The following PKD1L1 variants were observed in gnomAD, a reference collection of about 807,000 sequenced individuals.
The protein encoded by PKD1L1 is polycystin 1 like 1, transient receptor potential channel interacting.
A neutral mutation model predicts 323.4 loss-of-function variants in PKD1L1; 236 were observed. That is an observed-to-expected ratio of 0.73 (90% CI 0.66 to 0.81). The LOEUF (loss-of-function observed/expected upper bound fraction) is 0.81, where lower values mean the gene tolerates loss of function less well. Among genes scored for constraint, PKD1L1 ranks in the 40% least tolerant of loss-of-function variants. The pLI, the probability that PKD1L1 is intolerant of heterozygous loss-of-function variation, is 0.00. For synonymous variants in PKD1L1, 1,344 were observed against 1,335.0 expected, an observed-to-expected ratio of 1.01 and a Z score of -0.15; for missense variants, 3,320 against 3,508.0, an observed-to-expected ratio of 0.95 and a Z score of 1.35.
At chr7:47,864,250 A>C (rs1786098220) in intron 26 of PKD1L1, among the ~76,000 whole-genome samples, 1 of 152,196 alleles carries the variant, frequency 6.6e-6, no homozygotes, top group Admixed American at 6.5e-5. Context: ...GGAGAAGCCT[A>C]TGCAGGGGCT....
rs148789591 is a variant in PKD1L1 at position 47,832,814 on chromosome 7, T to C, written c.6337+276A>G. Among the ~76,000 whole-genome samples, 9 of 152,354 alleles carry C rather than the reference T, an allele frequency of 5.9e-5. No individual in the cohort carries two copies. The East Asian group carries it at 1.7e-3, about 29-fold the overall frequency. On this transcript the variant is annotated intron_variant, in intron 41 of 56. Transcript: ENST00000289672. ...TCATTAGCATTAAAACATGCAAAGC[T>C]TCAAACTCCAGAATACTTTAAAAAG...
In PKD1L1 at chr7:47,936,931, C is replaced by T; in HGVS notation, c.313G>A (p.Ala105Thr). ...GTTTTTTCATTAACAACACTTAACG[C>T]TGCTTCACTAGTTGTTTTCCAAATG... Reference protein sequence around the residue: ...KNIWKTTSEAALSVVNEKTQA... With the variant: ...KNIWKTTSEATLSVVNEKTQA... The change falls in exon 4 of 57, where the codon GCG (alanine) becomes ACG (threonine). Residue 105 changes from alanine (A) to threonine (T), a missense_variant. Transcript: ENST00000289672. 1 of 1,612,658 alleles carries T rather than the reference C, an allele frequency of 6.2e-7. No homozygotes were observed. Among genetic ancestry groups the T allele is most frequent in the Non-Finnish European group, 8.5e-7 (1 of 1,179,680 alleles).
chr7:47,850,652 A>AT (rs1785761924), intron 31 of PKD1L1, among the ~76,000 whole-genome samples: 1 of 150,394 alleles, frequency 6.6e-6, no homozygotes, highest in Non-Finnish European at 1.5e-5. Flanking sequence ...AAAAAAAAAA[A>AT]GGATAAAAGT....
intron 3 of PKD1L1, among the ~76,000 whole-genome samples, chr7:47,939,836 C>T (rs1324402038): frequency 6.6e-6 from 1 of 151,946 alleles, no homozygotes; most frequent in South Asian, 2.1e-4. Context: ...TGAGGGGCAG[C>T]CCCCACTCCC....
intron 44 of PKD1L1, 25 bp from the exon 45 acceptor site, chr7:47,827,493 GC>G: frequency 6.3e-7 from 1 of 1,582,690 alleles, no homozygotes; most frequent in Non-Finnish European, 8.6e-7. Flanking sequence ...AGTGCTGTGA[GC>G]TGCGGGCTGG....
At chr7:47,860,784 G>T in intron 26 of PKD1L1, among the ~76,000 whole-genome samples, 1 of 142,466 alleles carries the variant, frequency 7.0e-6, no homozygotes, top group East Asian at 2.0e-4. Context: ...TAAGAACTGT[G>T]GCAGACCCTG....
chr7:47,808,140 A>T, intron 52 of PKD1L1, 107 bp downstream of exon 52: 3 of 1,397,038 alleles, frequency 2.1e-6, no homozygotes, highest in Non-Finnish European at 2.0e-6. Flanking sequence ...TCTCGATATC[A>T]AACAAATCTG....
rs75892129 is a variant in PKD1L1 at position 47,897,818 on chromosome 7, G to A, written c.2271+170C>T. On this transcript the variant is annotated intron_variant, in intron 14 of 56. Transcript: ENST00000289672. Reference sequence around the variant, plus strand: ...ATTTGAACATAATTTGTTCTCTTTGGGGGAATTAAACATTTCTCTTAAAAT... The same window carrying A: ...ATTTGAACATAATTTGTTCTCTTTGAGGGAATTAAACATTTCTCTTAAAAT... 5.6e-3 allele frequency among the ~76,000 whole-genome samples: 849 copies of A among 152,076 alleles called. 5 individuals carry two copies. The highest frequency in any genetic ancestry group is 0.017 in the Middle Eastern group (5 of 292).
At position 47,836,926 on chromosome 7, in the gene PKD1L1, C is replaced by T. The variant is rs1785469715; in HGVS notation, c.5938G>A (p.Glu1980Lys). 1.2e-6 allele frequency: 2 copies of T among 1,613,520 alleles called. No individual in the cohort carries two copies. The highest frequency in any genetic ancestry group is 1.7e-6 in the Non-Finnish European group (2 of 1,179,888). ...GGAAAAGCGATGGCTCTCACCTGCT[C>T]TTGCCCTCCAGCAGCAACCAGGGCA... ...LTALVAAGGQ[E>K]QPHLDVSPTL... Residue 1980 changes from glutamate to lysine, a missense_variant, in exon 37 of 57, where the codon GAG (glutamate) becomes AAG (lysine). Transcript: ENST00000289672.
chr7:47,791,333 C>T (rs1231716383), intron 56 of PKD1L1, among the ~76,000 whole-genome samples: 1 of 152,064 alleles, frequency 6.6e-6, no homozygotes, highest in African/African-American at 2.4e-5. Context: ...AGTTTATTCT[C>T]TTTTCTGTGA....
At chr7:47,802,007 C>T (rs1335322268) in intron 53 of PKD1L1, among the ~76,000 whole-genome samples, 2 of 151,934 alleles carry the variant, frequency 1.3e-5, no homozygotes, top group South Asian at 2.1e-4. Context: ...CTGGCTAACA[C>T]GGTGAAACAC....
At chr7:47,889,393 C>T (rs1192882513) in intron 16 of PKD1L1, among the ~76,000 whole-genome samples, 1 of 151,998 alleles carries the variant, frequency 6.6e-6, no homozygotes, top group African/African-American at 2.4e-5. Flanking sequence ...TTAAATTGTG[C>T]CCCAATTGTT....
chr7:47,938,429 G>A (rs1480908607), intron 3 of PKD1L1, among the ~76,000 whole-genome samples: 1 of 152,098 alleles, frequency 6.6e-6, no homozygotes, highest in Non-Finnish European at 1.5e-5. Flanking sequence ...TCCTGAGGAT[G>A]TGAAACCCAG....
At chr7:47,845,630 C>T (rs1785649480) in intron 32 of PKD1L1, among the ~76,000 whole-genome samples, 1 of 152,156 alleles carries the variant, frequency 6.6e-6, no homozygotes, top group Non-Finnish European at 1.5e-5. Context: ...TGTTCTGCTG[C>T]CCAGGCTGGA....
intron 23 of PKD1L1, 147 bp from the exon 24 acceptor site, chr7:47,874,157 G>T: frequency 1.7e-6 from 1 of 596,374 alleles, no homozygotes; most frequent in Admixed American, 3.2e-5. Flanking sequence ...GGAGCCCAGG[G>T]AGTGAAATAC....
chr7:47,880,280 A>ATTTTTTTTTTTTTTTTT (rs1380647150), intron 21 of PKD1L1, among the ~76,000 whole-genome samples: 5 of 71,556 alleles, frequency 7.0e-5, no homozygotes, highest in Non-Finnish European at 1.0e-4. Flanking sequence ...ATATATATAT[A>ATTTTTTTTTTTTTTTTT]TATATTTTTT....
At chr7:47,800,017 C>A (rs1784624993) in intron 54 of PKD1L1, among the ~76,000 whole-genome samples, 1 of 152,236 alleles carries the variant, frequency 6.6e-6, no homozygotes, top group African/African-American at 2.4e-5. Context: ...CTTACTAATA[C>A]TGAAAACTTT....
chr7:47,860,941 C>T (rs929259446), intron 26 of PKD1L1, among the ~76,000 whole-genome samples: 5 of 152,156 alleles, frequency 3.3e-5, no homozygotes, highest in African/African-American at 1.2e-4. Flanking sequence ...GTGATGCTCA[C>T]CAGGGGAAGG....
intron 3 of PKD1L1, among the ~76,000 whole-genome samples, chr7:47,938,089 A>G (rs1787906605): frequency 6.6e-6 from 1 of 152,170 alleles, no homozygotes; most frequent in African/African-American, 2.4e-5. Flanking sequence ...CTGAGGGCCC[A>G]GGGCCTCACT....
Sources: allele counts gnomAD v4.1 joint callset (sites outside exome capture counted in the v4.1 genomes callset), GRCh38; gene constraint gnomAD v4.1.1; transcripts MANE v1.5; gene names NCBI Gene and HGNC (gene_info 2026-07-23, HGNC 2026-07-21).